The following ABCC3 variants were observed in gnomAD, a reference collection of about 807,000 sequenced individuals.
ABCC3 encodes ATP binding cassette subfamily C member 3, also known as ATP-binding cassette sub-family C member 3.
ABCC3 carries 121 observed loss-of-function variants against 165.3 expected under a neutral mutation model. The observed-to-expected ratio is 0.73, with a 90% CI of 0.63 to 0.85. ABCC3 has a LOEUF of 0.85. Among genes scored for constraint, ABCC3 ranks in the 40% least tolerant of loss-of-function variants. The pLI is 0.00. For synonymous variants in ABCC3, 733 were observed against 810.1 expected (o/e 0.90, Z 1.62); for missense variants, 1,869 against 1,964.1 (o/e 0.95, Z 0.92).
In ABCC3 at chr17:50,656,794, C is replaced by T; in HGVS notation, c.315C>T (p.Phe105=). 6.2e-7 allele frequency: 1 copy of T among 1,613,552 alleles called. No individual in the cohort carries two copies. The highest frequency in any genetic ancestry group is 8.5e-7 in the Non-Finnish European group (1 of 1,179,808). The change falls in exon 3 of 31, where the codon TTC becomes TTT. Residue 105 remains phenylalanine (F), a synonymous_variant. Coordinates refer to ENST00000285238, the MANE Select transcript of ABCC3 (RefSeq NM_003786.4). ...LVHGRAPAPV[F]FVTPLVVGVT... The stretch of plus-strand genomic sequence containing the variant: ...ATGGCCGGGCCCCTGCCCCTGTTTT[C>T]TTTGTCACCCCCTTGGTGGTGGGGG...
At chr17:50,666,128 C>T (rs1967522779) in intron 11 of ABCC3, among the ~76,000 whole-genome samples, 1 of 152,158 alleles carries the variant, frequency 6.6e-6, no homozygotes, top group South Asian at 2.1e-4. Flanking sequence ...TGCTTGTCAT[C>T]CCCCTCTTGC....
chr17:50,676,274 A>G lies in ABCC3; in HGVS notation c.3068-4A>G, dbSNP rs1455670767. On this transcript the variant is annotated splice_region_variant and splice_polypyrimidine_tract_variant and intron_variant, in intron 22 of 30. Transcript: ENST00000285238. ...GAGCCAGCGCCCTCTGCCTTCTCCAACAGGGTTCTTGGTGATGCTGGCAGC... is the reference window on the plus strand; with the variant it reads ...GAGCCAGCGCCCTCTGCCTTCTCCAGCAGGGTTCTTGGTGATGCTGGCAGC... The G allele has an allele frequency of 6.2e-7, 1 of 1,610,040 alleles. No homozygotes were observed. Among genetic ancestry groups the G allele is most frequent in the Non-Finnish European group, 8.5e-7 (1 of 1,177,794 alleles).
In ABCC3 at chr17:50,656,688, T is replaced by C; in HGVS notation, c.223-14T>C. 4 of 1,606,696 alleles carry C rather than the reference T, an allele frequency of 2.5e-6. No homozygotes were observed. The highest frequency in any genetic ancestry group is 1.3e-5 in the African/African-American group (1 of 74,786). On this transcript the variant is annotated splice_polypyrimidine_tract_variant and intron_variant, in intron 2 of 30. Transcript: ENST00000285238. ...CTCTGGGGATGCGGATTCCAACCTG[T>C]GCTCTCTTCGCAGGTCCTGGGTGTC... is the stretch of plus-strand genomic sequence containing the variant.
chr17:50,655,421 A>AC (rs869244285), intron 1 of ABCC3, among the ~76,000 whole-genome samples: 3 of 145,838 alleles, frequency 2.1e-5, no homozygotes, highest in African/African-American at 7.7e-5. Flanking sequence ...AAAAAAAAAA[A>AC]CAAAAACAAA....
At chr17:50,682,473 G>T (rs1192011007) in intron 26 of ABCC3, among the ~76,000 whole-genome samples, 2 of 150,960 alleles carry the variant, frequency 1.3e-5, no homozygotes, top group Non-Finnish European at 2.9e-5. Flanking sequence ...CTACATGATG[G>T]AGCCACCATT....
chr17:50,680,837 G>T (rs1268292078), intron 26 of ABCC3, among the ~76,000 whole-genome samples: 1 of 152,176 alleles, frequency 6.6e-6, no homozygotes, highest in Non-Finnish European at 1.5e-5. Flanking sequence ...CACTTTGGGA[G>T]GCCAAGGTGG....
intron 16 of ABCC3, 32 bp downstream of exon 16, chr17:50,669,298 T>C: frequency 1.2e-6 from 2 of 1,614,110 alleles, no homozygotes; most frequent in Non-Finnish European, 1.7e-6. Context: ...GGGCAGGGTG[T>C]GGGGCTCAGC....
intron 11 of ABCC3, among the ~76,000 whole-genome samples, chr17:50,665,767 G>A (rs1597852524): frequency 1.3e-5 from 2 of 150,050 alleles, no homozygotes; most frequent in East Asian, 4.0e-4. Context: ...CACCACACCC[G>A]GCTTATTTTT....
rs371346748 is a variant in ABCC3, at chr17:50,635,751, G to A, written c.45+770G>A. ...AACAGGCTACAGGCCAGGTGCAGTG[G>A]TTCACGCCTGTAATCCCACCCTTTG... is the stretch of plus-strand genomic sequence containing the variant. On this transcript the variant is annotated intron_variant, in intron 1 of 30. Transcript: ENST00000285238. 5.1e-5 allele frequency: 31 copies of A among 610,136 alleles called. No individual in the cohort carries two copies. The South Asian group carries it at 5.3e-4, about 10-fold the overall frequency. The allele number at this position is 610,136 out of a possible 1,614,324, so 37.8% of individuals were successfully genotyped here.
intron 1 of ABCC3, among the ~76,000 whole-genome samples, chr17:50,652,565 A>G (rs148483658): frequency 5.3e-5 from 8 of 152,294 alleles, no homozygotes; most frequent in South Asian, 2.1e-4. Flanking sequence ...GAACAGTTTT[A>G]TCTAGGTCAA....
chr17:50,645,788 C>A (rs1262517238), intron 1 of ABCC3, among the ~76,000 whole-genome samples: 3 of 152,138 alleles, frequency 2.0e-5, no homozygotes, highest in Non-Finnish European at 2.9e-5. Context: ...TTTGTAGAGA[C>A]AGCGTCTTGC....
In ABCC3 at chr17:50,677,952, C is replaced by T. The variant is rs756144449; in HGVS notation, c.3578+9C>T. On this transcript the variant is annotated intron_variant, in intron 24 of 30. Transcript: ENST00000285238. ...TACATCATCTCCAACCGGTCAGAAG[C>T]CGCCTCCCTCGCTCCCTGCTCCTCC... The T allele has an allele frequency of 6.2e-7, 1 of 1,614,146 alleles. No individual in the cohort carries two copies. The highest frequency in any genetic ancestry group is 8.5e-7 in the Non-Finnish European group (1 of 1,180,030).
In ABCC3 at chr17:50,687,681, A is replaced by G; in HGVS notation, c.4426A>G (p.Thr1476Ala). 2 of 1,614,246 alleles carry G rather than the reference A, an allele frequency of 1.2e-6. No homozygotes were observed. Among genetic ancestry groups the G allele is most frequent in the East Asian group, 2.2e-5 (1 of 44,892 alleles). Residue 1476 changes from threonine (T) to alanine (A), a missense_variant, in exon 30 of 31, where the codon ACT becomes GCT. Physicochemically the swap from Thr to Ala is moderately conservative, Grantham distance 58. Transcript: ENST00000285238. Reference sequence around the variant, plus strand: ...CATCCGCACCCAGTTTGATACCTGCACTGTCCTGACCATCGCACACCGGCT... The same window carrying G: ...CATCCGCACCCAGTTTGATACCTGCGCTGTCCTGACCATCGCACACCGGCT... The part of the protein sequence containing the change: ...ATIRTQFDTC[T>A]VLTIAHRLNT...
chr17:50,686,710 T>A (rs945370522), intron 29 of ABCC3, among the ~76,000 whole-genome samples: 1 of 152,144 alleles, frequency 6.6e-6, no homozygotes, highest in African/African-American at 2.4e-5. Flanking sequence ...TGTAGCCACT[T>A]TAAGTATAAC....
At chr17:50,676,654 G>C (rs550368509) in intron 23 of ABCC3, 66 bp downstream of exon 23, 2 of 1,325,290 alleles carry the variant, frequency 1.5e-6, no homozygotes, top group African/African-American at 2.9e-5. Context: ...CATGGGCGGG[G>C]GCAGCAGGGG....
rs1967993349 is a variant in ABCC3 at position 50,684,787 on chromosome 17, G to A, written c.4192G>A (p.Ala1398Thr). ...CTACTCAGAGGAGGACATTTGGTGG[G>A]CTTTGGAGCTGTCCCACCTGCACAC... ...GSYSEEDIWW[A>T]LELSHLHTFV... Residue 1398 changes from alanine (A) to threonine (T), a missense_variant, in exon 29 of 31, where the codon GCT (alanine) becomes ACT (threonine). Transcript: ENST00000285238. The A allele has an allele frequency of 1.2e-6, 2 of 1,614,038 alleles. No homozygotes were observed. Among genetic ancestry groups the A allele is most frequent in the African/African-American group, 1.3e-5 (1 of 74,912 alleles).
At chr17:50,672,215 A>G (rs922922997) in intron 17 of ABCC3, among the ~76,000 whole-genome samples, 1 of 152,208 alleles carries the variant, frequency 6.6e-6, no homozygotes, top group Non-Finnish European at 1.5e-5. Context: ...TTTGGAAGGA[A>G]CAAATATTTC....
rs575262573 is a variant in ABCC3, at chr17:50,661,315, T to C, written c.998+201T>C. Among the ~76,000 whole-genome samples the C allele has an allele frequency of 5.3e-5, 8 of 152,378 alleles. No homozygotes were observed. The East Asian group carries it at 1.5e-3, about 29-fold the overall frequency. On this transcript the variant is annotated intron_variant, in intron 8 of 30. Coordinates refer to ENST00000285238, the MANE Select transcript of ABCC3 (RefSeq NM_003786.4). ...ACATTCAACTTAGAATTGCTGTGCA[T>C]ATACTATGTGCCGGGCACCGTGGTG... is the stretch of plus-strand genomic sequence containing the variant.
intron 1 of ABCC3, among the ~76,000 whole-genome samples, chr17:50,638,328 G>T (rs936138477): frequency 6.6e-6 from 1 of 152,148 alleles, no homozygotes; most frequent in African/African-American, 2.4e-5. Flanking sequence ...AATTAGCCTT[G>T]ATCTGACAGC....
Sources: gnomAD v4.1 joint callset for allele counts (sites outside exome capture counted in the v4.1 genomes callset) on GRCh38, gnomAD v4.1.1 for gene constraint, MANE v1.5 for transcripts, NCBI Gene and HGNC (gene_info 2026-07-23, HGNC 2026-07-21) for gene names.